The following CDK8 variants were observed in gnomAD, a reference collection of about 807,000 sequenced individuals.
CDK8 encodes the protein cyclin-dependent kinase 8.
CDK8 carries 29 observed loss-of-function variants against 71.5 expected under a neutral mutation model. The observed-to-expected ratio is 0.41, with a 90% confidence interval of 0.30 to 0.55. The LOEUF is 0.55. Ranked by LOEUF, CDK8 falls within the 20% of genes least tolerant of loss-of-function variation. The pLI is 0.37. For synonymous variants in CDK8, 161 were observed against 192.1 expected (o/e 0.84, Z 1.34); for missense variants, 288 against 572.6 (o/e 0.50, Z 5.07).
chr13:26,286,344 C>T (rs1273265286), intron 1 of CDK8, among the ~76,000 whole-genome samples: 1 of 151,994 alleles, frequency 6.6e-6, no homozygotes, highest in South Asian at 2.1e-4. Context: ...ATGAGAGAAC[C>T]CAGAAATAAA....
At chr13:26,273,373 C>T (rs1872419005) in intron 1 of CDK8, among the ~76,000 whole-genome samples, 1 of 152,082 alleles carries the variant, frequency 6.6e-6, no homozygotes, top group African/African-American at 2.4e-5. Context: ...AGTTTAAACA[C>T]TACATCTGGT....
intron 4 of CDK8, among the ~76,000 whole-genome samples, chr13:26,361,784 C>CTTTTTTTTTTTTTTTTTTTTTTTT (rs553508554): frequency 6.3e-5 from 4 of 63,306 alleles, no homozygotes; most frequent in African/African-American, 1.4e-4. Flanking sequence ...TTTCTTTTCC[C>CTTTTTTTTTTTTTTTTTTTTTTTT]TTTTTTTTTT....
chr13:26,267,133 A>C (rs891457767), intron 1 of CDK8, among the ~76,000 whole-genome samples: 7 of 152,128 alleles, frequency 4.6e-5, no homozygotes, highest in Admixed American at 4.6e-4. Context: ...TGAATATCAG[A>C]TGATACATAT....
At chr13:26,317,222 AAAG>A (rs1005937445) in intron 1 of CDK8, among the ~76,000 whole-genome samples, 85 of 152,172 alleles carry the variant, frequency 5.6e-4, no homozygotes, top group African/African-American at 1.9e-3. Context: ...ATCAAGAGAC[AAAG>A]AAGGAGATTA....
chr13:26,358,677 G>A (rs2138006945), intron 4 of CDK8, among the ~76,000 whole-genome samples: 2 of 152,264 alleles, frequency 1.3e-5, no homozygotes, highest in Middle Eastern at 6.8e-3. Context: ...GTCTCAAAGA[G>A]GTATTTGTAT....
intron 1 of CDK8, among the ~76,000 whole-genome samples, chr13:26,306,533 A>T (rs1212644487): frequency 6.6e-6 from 1 of 151,778 alleles, no homozygotes; most frequent in African/African-American, 2.4e-5. Flanking sequence ...AATGTTTTGT[A>T]AAAGGCAATG....
intron 1 of CDK8, among the ~76,000 whole-genome samples, chr13:26,319,378 A>C (rs921333934): frequency 3.3e-5 from 5 of 152,004 alleles, no homozygotes; most frequent in African/African-American, 1.2e-4. Context: ...CTGAGGCAGG[A>C]GAATTGCTTG....
intron 1 of CDK8, among the ~76,000 whole-genome samples, chr13:26,307,092 TA>T (rs1874080120): frequency 1.3e-5 from 2 of 152,164 alleles, no homozygotes; most frequent in Admixed American, 6.5e-5. Flanking sequence ...ACTTGAAGAA[TA>T]AAACATTAGA....
intron 3 of CDK8, among the ~76,000 whole-genome samples, chr13:26,350,995 G>C (rs1873658676): frequency 6.6e-6 from 1 of 151,576 alleles, no homozygotes; most frequent in African/African-American, 2.4e-5. Context: ...AAAACTTTGA[G>C]ATATATATAT....
At chr13:26,342,274 A>C (rs1873274882) in intron 2 of CDK8, among the ~76,000 whole-genome samples, 1 of 152,196 alleles carries the variant, frequency 6.6e-6, no homozygotes, top group South Asian at 2.1e-4. Flanking sequence ...TACAGTATTA[A>C]AAACTAGGAT....
intron 1 of CDK8, among the ~76,000 whole-genome samples, chr13:26,285,456 A>AACCCTTAGCAAAATCAGTAT (rs1872965479): frequency 6.6e-6 from 1 of 152,228 alleles, no homozygotes; most frequent in Non-Finnish European, 1.5e-5. Flanking sequence ...ATATGATTAA[A>AACCCTTAGCAAAATCAGTAT]ACCCTTAGCA....
rs548165556 is a variant in CDK8, at chr13:26,368,416, T to A, written c.457-14398T>A. ...TGGGAGACTGATATATTCAAAATCT[T>A]TCCTAAACACATTGTACAGTATAAT... On this transcript the variant is annotated intron_variant, in intron 4 of 12. Transcript: ENST00000381527. Among the ~76,000 whole-genome samples the A allele has an allele frequency of 3.3e-5, 5 of 152,326 alleles. No homozygotes were observed. In the East Asian group the frequency reaches 9.6e-4, roughly 29 times the overall value.
intron 5 of CDK8, among the ~76,000 whole-genome samples, chr13:26,384,903 C>T (rs1181860471): frequency 6.6e-6 from 1 of 152,190 alleles, no homozygotes; most frequent in East Asian, 1.9e-4. Flanking sequence ...TGCAGCTCAA[C>T]AACCCTGTCC....
At chr13:26,333,991 AATTAT>A (rs1278957250) in intron 1 of CDK8, among the ~76,000 whole-genome samples, 1 of 152,186 alleles carries the variant, frequency 6.6e-6, no homozygotes, top group Admixed American at 6.5e-5. Context: ...ATTATGTTGT[AATTAT>A]ATTAGGTGAT....
chr13:26,395,508 T>TA (rs1396426055), intron 7 of CDK8, among the ~76,000 whole-genome samples: 1 of 148,272 alleles, frequency 6.7e-6, no homozygotes, highest in African/African-American at 2.5e-5. Flanking sequence ...AAAAAAGAGC[T>TA]AAAGGTGCTG....
chr13:26,267,319 C>T (rs985514422), intron 1 of CDK8, among the ~76,000 whole-genome samples: 4 of 152,108 alleles, frequency 2.6e-5, no homozygotes, highest in African/African-American at 9.7e-5. Flanking sequence ...CTTTCAACAA[C>T]TATATTTCAT....
chr13:26,329,688 C>A (rs1875214779), intron 1 of CDK8, among the ~76,000 whole-genome samples: 1 of 151,744 alleles, frequency 6.6e-6, no homozygotes, highest in Admixed American at 6.6e-5. Flanking sequence ...ATTTTTTGTA[C>A]AGACGGGGTT....
chr13:26,314,411 A>C (rs1874421255), intron 1 of CDK8, among the ~76,000 whole-genome samples: 1 of 152,236 alleles, frequency 6.6e-6, no homozygotes, highest in African/African-American at 2.4e-5. Flanking sequence ...AATACAAGTT[A>C]ACTGTAGCTA....
intron 4 of CDK8, among the ~76,000 whole-genome samples, chr13:26,370,300 A>C (rs1207827319): frequency 5.9e-5 from 9 of 152,236 alleles, no homozygotes; most frequent in Admixed American, 5.9e-4. Flanking sequence ...CTTAAGGTCT[A>C]AGTCAGTGAA....
Sources: allele counts gnomAD v4.1 joint callset (sites outside exome capture counted in the v4.1 genomes callset), GRCh38; gene constraint gnomAD v4.1.1; transcripts MANE v1.5; gene names NCBI Gene and HGNC (gene_info 2026-07-23, HGNC 2026-07-21).